SEZ6: variants seen among roughly 807,000 people sequenced by gnomAD.
The protein encoded by SEZ6 is seizure related 6 homolog, also known as seizure protein 6 homolog.
A neutral mutation model predicts 101.0 loss-of-function variants in SEZ6; 53 were observed. The observed-to-expected ratio is 0.52, with a 90% CI of 0.42 to 0.66. The LOEUF is 0.66. Among genes scored for constraint, SEZ6 ranks in the 30% least tolerant of loss-of-function variants. The probability of loss-of-function intolerance (pLI) is 0.00; values close to 1 mark genes in which losing one functional copy is unlikely to be tolerated. For missense variants in SEZ6, 1,102 were observed against 1,289.4 expected, an observed-to-expected ratio of 0.85 and a Z score of 2.23; for synonymous variants, 488 against 512.2, an observed-to-expected ratio of 0.95 and a Z score of 0.64.
chr17:28,978,715 G>A (rs1279980387), intron 3 of SEZ6, among the ~76,000 whole-genome samples: 3 of 152,202 alleles, frequency 2.0e-5, no homozygotes, highest in Non-Finnish European at 2.9e-5. Flanking sequence ...GAGAGGTGTA[G>A]GGGGCAGGAT....
In SEZ6 at chr17:28,956,843, C is replaced by A. The variant is rs1190002319; in HGVS notation, c.2693-86G>T. On this transcript the variant is annotated intron_variant, in intron 13 of 16. Transcript: ENST00000317338. ...CAGGGAGAGGAGGTAGTGGGATGAT[C>A]ATGGGAAGGATTTGTCCAAGGAGAG... is the stretch of plus-strand genomic sequence containing the variant. The A allele has an allele frequency of 2.7e-6, 4 of 1,490,748 alleles. No individual in the cohort carries two copies. In the African/African-American group the frequency reaches 4.2e-5, roughly 16 times the overall value. The allele number at this position is 1,490,748 out of a possible 1,614,324, so 92.3% of individuals were successfully genotyped here.
intron 1 of SEZ6, among the ~76,000 whole-genome samples, chr17:29,004,633 G>C (rs2041660575): frequency 6.6e-6 from 1 of 152,182 alleles, no homozygotes; most frequent in Admixed American, 6.5e-5. Flanking sequence ...CTCGGCAGCG[G>C]CCTGGAAAGA....
chr17:28,960,278 G>T, intron 7 of SEZ6: 1 of 629,594 alleles, frequency 1.6e-6, no homozygotes, highest in Non-Finnish European at 2.7e-6. Flanking sequence ...TATTCCCTTG[G>T]ACCATAGGGC....
intron 5 of SEZ6, 87 bp from the exon 6 acceptor site, chr17:28,961,060 T>G: frequency 6.7e-7 from 1 of 1,498,382 alleles, no homozygotes; most frequent in Non-Finnish European, 9.0e-7. Context: ...CAGCCCTATA[T>G]CCTCTGCTTG....
At chr17:28,979,170 GAGATA>G (rs1338690513) in intron 3 of SEZ6, among the ~76,000 whole-genome samples, 1 of 152,094 alleles carries the variant, frequency 6.6e-6, no homozygotes, top group African/African-American at 2.4e-5. Flanking sequence ...ACGGAGGGAT[GAGATA>G]ACCCAGGGAG....
At position 28,955,239 on chromosome 17, in the gene SEZ6, C is replaced by T. The variant is rs1045416468; in HGVS notation, c.*723G>A. The T allele has an allele frequency of 8.3e-5, 14 of 169,356 alleles. No individual in the cohort carries two copies. The highest frequency in any genetic ancestry group is 1.4e-4 in the Non-Finnish European group (11 of 77,450). The allele number at this position is 169,356 out of a possible 1,614,324, so 10.5% of individuals were successfully genotyped here. On this transcript the variant is annotated 3_prime_UTR_variant, in exon 17 of 17. Coordinates refer to ENST00000317338, the MANE Select transcript of SEZ6 (RefSeq NM_178860.5). ...ATGTTTGCAACAGCTAAATAAACAT[C>T]GGAGGAAAGTCTCCCTTTCCTCAGG...
intron 3 of SEZ6, among the ~76,000 whole-genome samples, chr17:28,970,602 G>A (rs2041137187): frequency 6.6e-6 from 1 of 152,172 alleles, no homozygotes. Context: ...CATCCCCACT[G>A]CCATTCCCCA....
At chr17:28,987,717 T>A (rs1364266558) in intron 1 of SEZ6, among the ~76,000 whole-genome samples, 2 of 152,260 alleles carry the variant, frequency 1.3e-5, no homozygotes, top group African/African-American at 4.8e-5. Flanking sequence ...GCCCACTGTG[T>A]GCTGACCATG....
At chr17:29,004,574 A>G (rs947544044) in intron 1 of SEZ6, among the ~76,000 whole-genome samples, 5 of 152,212 alleles carry the variant, frequency 3.3e-5, no homozygotes, top group Non-Finnish European at 5.9e-5. Context: ...CTGGATGAAG[A>G]AAACTGCCGT....
At chr17:28,998,552 G>C (rs752225682) in intron 1 of SEZ6, among the ~76,000 whole-genome samples, 1 of 152,142 alleles carries the variant, frequency 6.6e-6, no homozygotes, top group Non-Finnish European at 1.5e-5. Context: ...CATGATGCCT[G>C]TCCTTTTTCC....
upstream of SEZ6, chr17:29,006,153 G>C (rs944368226): frequency 1.2e-5 from 3 of 260,248 alleles, no homozygotes; most frequent in Non-Finnish European, 7.2e-6. Context: ...CAGGAGCCCA[G>C]GCTCCCGCTC....
At chr17:28,971,478 A>C (rs1457319001) in intron 3 of SEZ6, among the ~76,000 whole-genome samples, 1 of 152,106 alleles carries the variant, frequency 6.6e-6, no homozygotes, top group Admixed American at 6.5e-5. Context: ...CTGTAATCCC[A>C]GCTACTCAAG....
chr17:28,970,075 G>C (rs1002530004), intron 3 of SEZ6, 123 bp from the exon 4 acceptor site: 1 of 861,754 alleles, frequency 1.2e-6, no homozygotes, highest in Non-Finnish European at 1.7e-6. Context: ...TTGAGCATCG[G>C]AGCCCCCAGG....
chr17:28,985,284 G>C (rs1197268506), intron 1 of SEZ6, among the ~76,000 whole-genome samples: 1 of 152,228 alleles, frequency 6.6e-6, no homozygotes, highest in Non-Finnish European at 1.5e-5. Flanking sequence ...CAGAGCTTCT[G>C]GCATTGGGAC....
chr17:28,966,160 TAAATA>T (rs201235507), intron 4 of SEZ6, among the ~76,000 whole-genome samples: 4,468 of 141,382 alleles, frequency 0.032, 98 homozygotes, highest in South Asian at 0.11. Context: ...ATAAAATAAA[TAAATA>T]AAATAAAATA....
intron 5 of SEZ6, among the ~76,000 whole-genome samples, chr17:28,961,271 T>G (rs2040974099): frequency 6.6e-6 from 1 of 152,082 alleles, no homozygotes; most frequent in African/African-American, 2.4e-5. Context: ...CCCAGGTAAG[T>G]CACTTTCCCT....
rs777570901 is a variant in SEZ6 at position 28,956,224 on chromosome 17, G to C, written c.2887C>G (p.Arg963Gly). 6 of 537,568 alleles carry C rather than the reference G, an allele frequency of 1.1e-5. No homozygotes were observed. The highest frequency in any genetic ancestry group is 1.4e-5 in the Non-Finnish European group (4 of 276,038). The allele number at this position is 537,568 out of a possible 1,614,324, so 33.3% of individuals were successfully genotyped here. A position where few individuals can be genotyped will look rare whatever the true frequency, so the allele number is the denominator to read the frequency against. ...GKSSLQLPRP[R>G]PRPYNRITIE... Reference sequence around the variant, plus strand: ...GTAATGCGGTTGTAGGGGCGGGGGCGGGGGCGGGGCAGCTGCAGGGAGCTT... The same window carrying C: ...GTAATGCGGTTGTAGGGGCGGGGGCCGGGGCGGGGCAGCTGCAGGGAGCTT... Residue 963 changes from arginine (R) to glycine (G), a missense_variant, in exon 16 of 17, where the codon CGC becomes GGC. Transcript: ENST00000317338.
rs76989659 is a variant in SEZ6, at chr17:28,999,765, G to A, written c.55+6050C>T. Among the ~76,000 whole-genome samples the A allele has an allele frequency of 9.6e-3, 1,464 of 152,230 alleles. 18 individuals carry two copies. Among genetic ancestry groups the A allele is most frequent in the Non-Finnish European group, 0.012 (835 of 67,994 alleles). The stretch of plus-strand genomic sequence containing the variant: ...AGGGAAGCCCAGGATGCCAGGACAG[G>A]AGTGACTGGTCCTCTCATTCACAAA... On this transcript the variant is annotated intron_variant, in intron 1 of 16. Transcript: ENST00000317338.
In SEZ6 at chr17:28,957,942, C is replaced by T. The variant is rs2040910732; in HGVS notation, c.2302+5G>A. 1 of 1,612,292 alleles carries T rather than the reference C, an allele frequency of 6.2e-7. No individual in the cohort carries two copies. The highest frequency in any genetic ancestry group is 8.5e-7 in the Non-Finnish European group (1 of 1,178,552). On this transcript the variant is annotated splice_donor_5th_base_variant and intron_variant, in intron 11 of 16. Transcript: ENST00000317338. ...AAGGGGAGCGTGGGGAACAGGTATA[C>T]TCACCCCTCTGGCATGAGGGCAGGT... is the stretch of plus-strand genomic sequence containing the variant.
Sources: allele counts gnomAD v4.1 joint callset (sites outside exome capture counted in the v4.1 genomes callset), GRCh38; gene constraint gnomAD v4.1.1; transcripts MANE v1.5; gene names NCBI Gene and HGNC (gene_info 2026-07-23, HGNC 2026-07-21).